CACNA1A: variants seen among roughly 807,000 people sequenced by gnomAD.
CACNA1A encodes voltage-dependent P/Q-type calcium channel subunit alpha-1A.
CACNA1A carries 57 observed loss-of-function variants against 262.4 expected under a neutral mutation model. That is an observed-to-expected ratio of 0.22 (90% confidence interval 0.18 to 0.27). The LOEUF (loss-of-function observed/expected upper bound fraction) is 0.27, where lower values mean the gene tolerates loss of function less well. CACNA1A is among the 10% of genes least tolerant of loss of function. CACNA1A has a pLI of 1.00. For synonymous variants in CACNA1A, 1,431 were observed against 1,419.3 expected, an observed-to-expected ratio of 1.01 and a Z score of -0.18; for missense variants, 2,526 against 3,562.8, an observed-to-expected ratio of 0.71 and a Z score of 7.41.
At chr19:13,317,460 T>C in intron 10 of CACNA1A, 139 bp from the exon 11 acceptor site, 1 of 657,426 alleles carries the variant, frequency 1.5e-6, no homozygotes, top group Non-Finnish European at 2.6e-6. Context: ...GGAACCATCA[T>C]GACCCATGGG....
At chr19:13,339,191 C>T (rs2058632555) in intron 6 of CACNA1A, among the ~76,000 whole-genome samples, 1 of 151,930 alleles carries the variant, frequency 6.6e-6, no homozygotes, top group Non-Finnish European at 1.5e-5. Context: ...GTCAACTTTA[C>T]CTTAAAAAGA....
At chr19:13,428,016 C>T (rs948265860) in intron 3 of CACNA1A, among the ~76,000 whole-genome samples, 10 of 152,166 alleles carry the variant, frequency 6.6e-5, no homozygotes, top group Admixed American at 3.9e-4. Context: ...ACTGCAACCT[C>T]CGCCTCCTGG....
At chr19:13,231,428 G>T (rs2055662874) in intron 35 of CACNA1A, among the ~76,000 whole-genome samples, 1 of 152,110 alleles carries the variant, frequency 6.6e-6, no homozygotes, top group Admixed American at 6.6e-5. Flanking sequence ...GTCACAACAG[G>T]AGGAACGGGT....
At chr19:13,251,311 A>G (rs570436987) in intron 30 of CACNA1A, among the ~76,000 whole-genome samples, 4 of 151,902 alleles carry the variant, frequency 2.6e-5, no homozygotes, top group East Asian at 1.9e-4. Context: ...GTGAAACCCC[A>G]TCTCTACTAA....
At chr19:13,422,735 T>C (rs1450768405) in intron 3 of CACNA1A, among the ~76,000 whole-genome samples, 3 of 152,176 alleles carry the variant, frequency 2.0e-5, no homozygotes, top group Admixed American at 2.0e-4. Context: ...GGGTGCTCCA[T>C]GTCAATGTAA....
intron 3 of CACNA1A, among the ~76,000 whole-genome samples, chr19:13,413,916 AAAG>A (rs2060173869): frequency 4.0e-5 from 4 of 101,132 alleles, no homozygotes; most frequent in African/African-American, 9.6e-5. Flanking sequence ...AGAAAGAAAG[AAAG>A]AAAGAAAGAA....
chr19:13,273,559 G>A (rs894960472), intron 24 of CACNA1A: 9 of 151,940 alleles, frequency 5.9e-5, no homozygotes, highest in South Asian at 2.1e-4. Flanking sequence ...TGTCTTATTC[G>A]TCACAATCTT....
chr19:13,278,554 A>C (rs1267694824), intron 22 of CACNA1A, among the ~76,000 whole-genome samples: 1 of 152,018 alleles, frequency 6.6e-6, no homozygotes, highest in Non-Finnish European at 1.5e-5. Flanking sequence ...CCCTCTGCCC[A>C]CCACACCCCC....
At chr19:13,287,475 C>T (rs1276842225) in intron 19 of CACNA1A, among the ~76,000 whole-genome samples, 3 of 152,178 alleles carry the variant, frequency 2.0e-5, no homozygotes, top group Admixed American at 2.0e-4. Context: ...AAGACCTTCA[C>T]GTGCCCATGG....
chr19:13,209,466 T>A lies in CACNA1A; in HGVS notation c.6372A>T (p.Ser2124=). Residue 2124 remains serine, a synonymous_variant, in exon 45 of 47, where the codon TCA becomes TCT. Transcript: ENST00000360228. ...TISDTSPMKR[S]ASVLGPKARR... ...GGGCCTTGGGGCCCAGCACGGAGGC[T>A]GAACGCTTCATGGGGCTGGTGTCTG... is the stretch of plus-strand genomic sequence containing the variant. 2 of 1,356,892 alleles carry A rather than the reference T, an allele frequency of 1.5e-6. No individual in the cohort carries two copies. The highest frequency in any genetic ancestry group is 1.9e-6 in the Non-Finnish European group (2 of 1,048,998). The allele number at this position is 1,356,892 out of a possible 1,614,324, so 84.1% of individuals were successfully genotyped here.
intron 6 of CACNA1A, among the ~76,000 whole-genome samples, chr19:13,341,517 C>T (rs1405433891): frequency 6.6e-6 from 1 of 152,240 alleles, no homozygotes; most frequent in Non-Finnish European, 1.5e-5. Flanking sequence ...TATCTCCTCC[C>T]CTTTTCCCTC....
At chr19:13,426,309 T>C (rs1162026618) in intron 3 of CACNA1A, among the ~76,000 whole-genome samples, 1 of 152,192 alleles carries the variant, frequency 6.6e-6, no homozygotes, top group Non-Finnish European at 1.5e-5. Context: ...ATGTAAGACA[T>C]GCTTGAAAAT....
chr19:13,358,509 T>C lies in CACNA1A; in HGVS notation c.978+1097A>G, dbSNP rs539895191. On this transcript the variant is annotated intron_variant, in intron 6 of 46. Coordinates refer to ENST00000360228, the MANE Select transcript of CACNA1A (RefSeq NM_001127222.2). ...TTATGAGAAAACAAAAATCACAGAA[T>C]TGAACAGCATGTATAGAATGCTACT... is the stretch of plus-strand genomic sequence containing the variant. Among the ~76,000 whole-genome samples, 7 of 152,260 alleles carry C rather than the reference T, an allele frequency of 4.6e-5. No homozygotes were observed. In the South Asian group the frequency reaches 1.2e-3, roughly 27 times the overall value.
At chr19:13,366,830 G>A (rs73501137) in intron 4 of CACNA1A, among the ~76,000 whole-genome samples, 4,401 of 152,178 alleles carry the variant, frequency 0.029, 208 homozygotes, top group African/African-American at 0.099. Flanking sequence ...GTAGGAAAGC[G>A]GTTGGCGGTC....
At chr19:13,289,113 T>G (rs1322545220) in intron 19 of CACNA1A, among the ~76,000 whole-genome samples, 2 of 150,664 alleles carry the variant, frequency 1.3e-5, no homozygotes, top group Non-Finnish European at 2.9e-5. Context: ...GAAGACAGGC[T>G]GACCTGGGTT....
chr19:13,354,869 C>CT lies in CACNA1A; in HGVS notation c.978+4736dup, dbSNP rs56350383. On this transcript the variant is annotated intron_variant, in intron 6 of 46. Coordinates refer to ENST00000360228, the MANE Select transcript of CACNA1A (RefSeq NM_001127222.2). ...ACGAAGGGAGGATGCTTTTCTTTTT[C>CT]TTTTTTTTTTTTTTTTTTTTTTTGA... Among the ~76,000 whole-genome samples, 353 of 115,016 alleles carry CT rather than the reference C, an allele frequency of 3.1e-3. 1 individual carries two copies. The highest frequency in any genetic ancestry group is 4.5e-3 in the Non-Finnish European group (266 of 59,456). 75.5% of individuals were successfully genotyped at this position (115,016 alleles called of 152,430 possible).
chr19:13,283,527 T>C (rs991529904), intron 21 of CACNA1A, 131 bp from the exon 22 acceptor site: 3 of 1,197,784 alleles, frequency 2.5e-6, no homozygotes, highest in Admixed American at 2.3e-5. Flanking sequence ...CAACAAACTA[T>C]TAAACTCCTC....
At chr19:13,427,953 T>TTG (rs1555785468) in intron 3 of CACNA1A, among the ~76,000 whole-genome samples, 16 of 152,158 alleles carry the variant, frequency 1.1e-4, no homozygotes, top group Admixed American at 2.6e-4. Flanking sequence ...TTGTTTTTTT[T>TTG]TGTGTGTGTG....
intron 24 of CACNA1A, chr19:13,274,544 G>A (rs576313424): frequency 2.0e-5 from 3 of 152,214 alleles, no homozygotes; most frequent in African/African-American, 7.2e-5. Context: ...GCACAGCCAG[G>A]GTCCCCAAGA....
Sources: allele counts gnomAD v4.1 joint callset (sites outside exome capture counted in the v4.1 genomes callset), GRCh38; gene constraint gnomAD v4.1.1; transcripts MANE v1.5; gene names NCBI Gene and HGNC (gene_info 2026-07-23, HGNC 2026-07-21).